Variants in ANKRD31 observed in about 807,000 individuals in gnomAD.
ANKRD31 encodes the protein ankyrin repeat domain-containing protein 31.
In ANKRD31, 147 loss-of-function variants were observed where a neutral mutation model predicts 186.0. That is an observed-to-expected ratio of 0.79 (90% CI 0.69 to 0.91). The LOEUF (loss-of-function observed/expected upper bound fraction) is 0.91, where lower values mean the gene tolerates loss of function less well. Ranked by LOEUF, ANKRD31 falls within the 40% of genes least tolerant of loss-of-function variation. ANKRD31 has a pLI of 0.00. For missense variants in ANKRD31, 1,986 were observed against 2,148.8 expected (o/e 0.92, Z 1.50); for synonymous variants, 673 against 736.4 (o/e 0.91, Z 1.39).
chr5:75,117,213 T>C (rs1748367220), intron 18 of ANKRD31, among the ~76,000 whole-genome samples: 1 of 152,138 alleles, frequency 6.6e-6, no homozygotes, highest in African/African-American at 2.4e-5. Context: ...AATAGATCTA[T>C]CACTTTATAA....
intron 9 of ANKRD31, among the ~76,000 whole-genome samples, chr5:75,190,754 A>C (rs1412233961): frequency 6.6e-6 from 1 of 151,980 alleles, no homozygotes; most frequent in East Asian, 1.9e-4. Flanking sequence ...AAAAAGGGAT[A>C]CTTATTTAAT....
intron 3 of ANKRD31, among the ~76,000 whole-genome samples, chr5:75,220,609 G>A (rs375742030): frequency 2.7e-5 from 4 of 149,894 alleles, no homozygotes; most frequent in South Asian, 4.2e-4. Context: ...GTCATTGCAC[G>A]CCAGACTGGA....
chr5:75,091,450 T>C (rs1025130711), intron 22 of ANKRD31, 49 bp from the exon 23 acceptor site: 19 of 1,502,328 alleles, frequency 1.3e-5, no homozygotes, highest in Non-Finnish European at 1.5e-5. Context: ...AGCTGAAATA[T>C]GTGAATTTTT....
rs1390409876 is a variant in ANKRD31, at chr5:75,154,246, G to C, written c.1807C>G (p.Leu603Val). Reference protein sequence around the residue: ...DEAKDLCMKRLLERYIPKHQK... With the variant: ...DEAKDLCMKRVLERYIPKHQK... ...TGTTTAGGGATATATCTCTCAAGGA[G>C]ACGCTTCATACATAAATCCTTGGCC... Residue 603 changes from leucine (L) to valine (V), a missense_variant, in exon 12 of 26, where the codon CTC becomes GTC. Coordinates refer to ENST00000506364, the MANE Select transcript of ANKRD31 (RefSeq NM_001372053.1). The C allele has an allele frequency of 2.0e-6, 3 of 1,534,126 alleles. No homozygotes were observed. Among genetic ancestry groups the C allele is most frequent in the East Asian group, 2.5e-5 (1 of 40,778 alleles).
At chr5:75,093,347 T>C (rs998885727) in intron 22 of ANKRD31, among the ~76,000 whole-genome samples, 1 of 152,058 alleles carries the variant, frequency 6.6e-6, no homozygotes, top group African/African-American at 2.4e-5. Flanking sequence ...CTGAGCATGG[T>C]GGCAAGCTCC....
intron 10 of ANKRD31, among the ~76,000 whole-genome samples, chr5:75,175,645 A>AC: frequency 2.2e-5 from 1 of 46,506 alleles, no homozygotes. Flanking sequence ...TTACCTCAGA[A>AC]AACACACACA....
At chr5:75,182,375 T>C (rs1055930929) in intron 10 of ANKRD31, among the ~76,000 whole-genome samples, 1 of 152,176 alleles carries the variant, frequency 6.6e-6, no homozygotes, top group African/African-American at 2.4e-5. Flanking sequence ...AAAACTTCCT[T>C]TCCTTGTCTA....
chr5:75,196,200 C>A lies in ANKRD31; in HGVS notation c.448G>T (p.Glu150Ter). The A allele has an allele frequency of 6.9e-7, 1 of 1,458,290 alleles. No individual in the cohort carries two copies. Among genetic ancestry groups the A allele is most frequent in the Non-Finnish European group, 9.0e-7 (1 of 1,113,566 alleles). The allele number at this position is 1,458,290 out of a possible 1,614,324, so 90.3% of individuals were successfully genotyped here. Residue 150 changes from glutamate to a stop codon, truncating the protein, a stop_gained and splice_region_variant, in exon 7 of 26, where the codon GAA becomes TAA. Transcript: ENST00000506364. LOFTEE classifies it high-confidence loss of function. ...SPEVLPHIEK[E>*]LSEGRDSPEV... ...GGAGAATCTCTGCCTTCACTTAGTT[C>A]CTGTGTATTACAAATAGAAATTACA...
chr5:75,150,061 C>T (rs926068827), intron 12 of ANKRD31, among the ~76,000 whole-genome samples: 1 of 151,768 alleles, frequency 6.6e-6, no homozygotes, highest in African/African-American at 2.4e-5. Flanking sequence ...CTCTGAGTTC[C>T]CATAATGTAC....
intron 1 of ANKRD31, among the ~76,000 whole-genome samples, chr5:75,231,850 G>C (rs1174935428): frequency 6.6e-6 from 1 of 151,794 alleles, no homozygotes; most frequent in African/African-American, 2.4e-5. Flanking sequence ...GCTGCAGTGA[G>C]CTATGATCAG....
chr5:75,087,244 A>T (rs1278114959), intron 23 of ANKRD31, among the ~76,000 whole-genome samples: 1 of 151,978 alleles, frequency 6.6e-6, no homozygotes, highest in Non-Finnish European at 1.5e-5. Context: ...AGGCATGGTG[A>T]CTCATACCTG....
intron 3 of ANKRD31, among the ~76,000 whole-genome samples, chr5:75,214,326 T>C (rs1756830877): frequency 6.6e-6 from 1 of 152,190 alleles, no homozygotes. Flanking sequence ...TCCTAAGTCA[T>C]TGCAACTTCT....
intron 1 of ANKRD31, among the ~76,000 whole-genome samples, chr5:75,231,140 G>T (rs191415500): frequency 6.6e-5 from 10 of 152,228 alleles, no homozygotes; most frequent in Admixed American, 6.5e-4. Context: ...GCAGTGGCAT[G>T]AACTTGGCTC....
chr5:75,210,669 T>C (rs986586641), intron 4 of ANKRD31, among the ~76,000 whole-genome samples, 159 bp downstream of exon 4: 1 of 152,216 alleles, frequency 6.6e-6, no homozygotes, highest in Admixed American at 6.5e-5. Context: ...AAAACTTATC[T>C]AGAATGTATG....
chr5:75,188,637 C>A lies in ANKRD31; in HGVS notation c.1420G>T (p.Val474Leu). ...ATGCTATGAAGAGATATTTTGTTCA[C>A]CTTCATTTTTTCTGAAATGAGGGAA... is the stretch of plus-strand genomic sequence containing the variant. Reference protein sequence around the residue: ...QFSGKKEKMKVNKISLHSINR... With the variant: ...QFSGKKEKMKLNKISLHSINR... The change falls in exon 10 of 26, where the codon GTG becomes TTG. Residue 474 changes from valine (V) to leucine (L), a missense_variant. By Grantham distance (32) the Val-to-Leu change is conservative (BLOSUM62 1). Coordinates refer to ENST00000506364, the MANE Select transcript of ANKRD31 (RefSeq NM_001372053.1). The A allele has an allele frequency of 6.6e-7, 1 of 1,525,542 alleles. No individual in the cohort carries two copies. Among genetic ancestry groups the A allele is most frequent in the Non-Finnish European group, 8.7e-7 (1 of 1,143,038 alleles). The allele number at this position is 1,525,542 out of a possible 1,614,324, so 94.5% of individuals were successfully genotyped here. A position where few individuals can be genotyped will look rare whatever the true frequency, so the allele number is the denominator to read the frequency against.
chr5:75,231,420 G>A (rs1308121674), intron 1 of ANKRD31, among the ~76,000 whole-genome samples: 2 of 151,762 alleles, frequency 1.3e-5, no homozygotes, highest in Non-Finnish European at 2.9e-5. Flanking sequence ...TATGTTCAAG[G>A]GAACATCACG....
At chr5:75,217,761 CA>C (rs1757047743) in intron 3 of ANKRD31, among the ~76,000 whole-genome samples, 1 of 152,026 alleles carries the variant, frequency 6.6e-6, no homozygotes, top group South Asian at 2.1e-4. Context: ...TCATATTCAA[CA>C]TTAGTATTGA....
At chr5:75,151,744 G>T (rs964515706) in intron 12 of ANKRD31, among the ~76,000 whole-genome samples, 1 of 151,884 alleles carries the variant, frequency 6.6e-6, no homozygotes, top group African/African-American at 2.4e-5. Context: ...CTTATCAAAG[G>T]GTTTGTGTTG....
At chr5:75,166,241 G>A (rs535886473) in intron 11 of ANKRD31, among the ~76,000 whole-genome samples, 8 of 152,232 alleles carry the variant, frequency 5.3e-5, no homozygotes, top group Admixed American at 2.6e-4. Context: ...AGGCCTAGGC[G>A]GGCGGATCAC....
Sources: gnomAD v4.1 joint callset for allele counts (sites outside exome capture counted in the v4.1 genomes callset) on GRCh38, gnomAD v4.1.1 for gene constraint, MANE v1.5 for transcripts, NCBI Gene and HGNC (gene_info 2026-07-23, HGNC 2026-07-21) for gene names.